The following MAP1B variants were observed in gnomAD, a reference collection of about 807,000 sequenced individuals.
MAP1B encodes microtubule-associated protein 1B.
In MAP1B, 12 loss-of-function variants were observed where a neutral mutation model predicts 176.1. The ratio of observed to expected loss-of-function variants is 0.07; its 90% CI spans 0.04 to 0.11. The LOEUF is 0.11. Among genes scored for constraint, MAP1B ranks in the 10% least tolerant of loss-of-function variants. The pLI is 1.00. For missense variants in MAP1B, 2,523 were observed against 2,990.5 expected, an observed-to-expected ratio of 0.84 and a Z score of 3.65; for synonymous variants, 1,044 against 1,135.0, an observed-to-expected ratio of 0.92 and a Z score of 1.61.
intron 2 of MAP1B, among the ~76,000 whole-genome samples, chr5:72,143,764 T>C (rs1402658352): frequency 6.6e-6 from 1 of 152,122 alleles, no homozygotes; most frequent in East Asian, 1.9e-4. Context: ...TTCCATACCT[T>C]TCTCCTCATT....
chr5:72,111,129 G>T (rs188058567), intron 1 of MAP1B, among the ~76,000 whole-genome samples: 9 of 152,206 alleles, frequency 5.9e-5, no homozygotes, highest in Non-Finnish European at 1.0e-4. Flanking sequence ...TTAGCCCCCA[G>T]CATGGATTTA....
At position 72,209,552 on chromosome 5, in the gene MAP1B, C is replaced by A. The variant is rs1302349790; in HGVS notation, c.*4313C>A. On this transcript the variant is annotated 3_prime_UTR_variant, in exon 7 of 7. Transcript: ENST00000296755. ...AAAAACTCAGTTCCACAATAAAATA[C>A]AAAAGTGGCAAAAGTTCATGTGTGT... The A allele has an allele frequency of 2.0e-5, 3 of 151,332 alleles. No homozygotes were observed. The highest frequency in any genetic ancestry group is 4.4e-5 in the Non-Finnish European group (3 of 67,832). The allele number at this position is 151,332 out of a possible 1,614,324, so 9.4% of individuals were successfully genotyped here.
rs770535030 is a variant in MAP1B at position 72,198,719 on chromosome 5, C to T, written c.5364C>T (p.Thr1788=). The change falls in exon 5 of 7, where the codon ACC becomes ACT. Residue 1788 remains threonine (T), a synonymous_variant. Coordinates refer to ENST00000296755, the MANE Select transcript of MAP1B (RefSeq NM_005909.5). The part of the protein sequence containing the change: ...LSPKSDISPL[T]PRESSPLYSP... Reference sequence around the variant, plus strand: ...CAAAATCTGATATCTCTCCACTCACCCCACGAGAGTCCTCTCCTTTATATT... The same window carrying T: ...CAAAATCTGATATCTCTCCACTCACTCCACGAGAGTCCTCTCCTTTATATT... 3 of 1,614,144 alleles carry T rather than the reference C, an allele frequency of 1.9e-6. No homozygotes were observed. Among genetic ancestry groups the T allele is most frequent in the Non-Finnish European group, 2.5e-6 (3 of 1,180,016 alleles).
chr5:72,107,680 A>G lies in MAP1B; in HGVS notation c.149A>G (p.Glu50Gly), dbSNP rs753028026. ...LVVVGEIVTE[E>G]HLRRAIGNIE... ...GTCGTCGGCGAGATCGTGACCGAGG[A>G]GCACCTGCGGCGTGCCATCGGCAAC... Residue 50 changes from glutamate to glycine, a missense_variant, in exon 1 of 7, where the codon GAG becomes GGG. Coordinates refer to ENST00000296755, the MANE Select transcript of MAP1B (RefSeq NM_005909.5). The G allele has an allele frequency of 5.6e-6, 9 of 1,599,828 alleles. No individual in the cohort carries two copies. In the South Asian group the frequency reaches 7.7e-5, roughly 14 times the overall value.
In MAP1B at chr5:72,196,241, A is replaced by G. The variant is rs1747163820; in HGVS notation, c.2886A>G (p.Val962=). The change falls in exon 5 of 7, where the codon GTA becomes GTG. Residue 962 remains valine (V), a synonymous_variant. Coordinates refer to ENST00000296755, the MANE Select transcript of MAP1B (RefSeq NM_005909.5). The surrounding 1 kb of genome is among the most constrained non-coding windows in gnomAD (Gnocchi z 5.3). The part of the protein sequence containing the change: ...EEPEEDGEEH[V]CVSASKHSPT... ...CAGAAGAGGATGGGGAGGAACACGT[A>G]TGTGTGAGCGCCTCCAAGCACAGCC... The G allele has an allele frequency of 6.2e-7, 1 of 1,613,828 alleles. No homozygotes were observed.
At chr5:72,122,334 A>T (rs1745545991) in intron 2 of MAP1B, among the ~76,000 whole-genome samples, 1 of 152,074 alleles carries the variant, frequency 6.6e-6, no homozygotes, top group African/African-American at 2.4e-5. Flanking sequence ...CAGACAGCCC[A>T]GTCACCCCCA....
rs1336657578 is a variant in MAP1B, at chr5:72,186,250, T to A, written c.370-364T>A. On this transcript the variant is annotated intron_variant, in intron 3 of 6. Transcript: ENST00000296755. The surrounding 1 kb of genome is among the most constrained non-coding windows in gnomAD (Gnocchi z 4.3). The stretch of plus-strand genomic sequence containing the variant: ...CCTGGTTTCGCAGACCACGTGCTGC[T>A]AGCAGACATTTCTAACAGCTGTGGA... 6.6e-6 allele frequency among the ~76,000 whole-genome samples: 1 copy of A among 152,198 alleles called. No individual in the cohort carries two copies. Among genetic ancestry groups the A allele is most frequent in the Non-Finnish European group, 1.5e-5 (1 of 68,030 alleles).
chr5:72,205,100 C>G lies in MAP1B; in HGVS notation c.7268C>G (p.Thr2423Ser). ...TCCCTGCAGGTGACACTGATCCCAA[C>G]TCATGACTCAGAAGTGATGAGGGAA... ...GSNMQVTLIP[T>S]HDSEVMREWY... The change falls in exon 7 of 7, where the codon ACT (threonine) becomes AGT (serine). Residue 2423 changes from threonine (T) to serine (S), a missense_variant. Around this residue, in one of 4 missense-constraint regions of MAP1B, gnomAD observed 287 missense variants for 401.5 expected, o/e 0.71. Transcript: ENST00000296755. The G allele has an allele frequency of 1.2e-6, 2 of 1,612,638 alleles. No individual in the cohort carries two copies. Among genetic ancestry groups the G allele is most frequent in the East Asian group, 2.2e-5 (1 of 44,854 alleles).
rs777754669 is a variant in MAP1B, at chr5:72,197,025, C to A, written c.3670C>A (p.Arg1224Ser). The A allele has an allele frequency of 6.2e-7, 1 of 1,614,052 alleles. No individual in the cohort carries two copies. Among genetic ancestry groups the A allele is most frequent in the South Asian group, 1.1e-5 (1 of 91,084 alleles). Residue 1224 changes from arginine to serine, a missense_variant, in exon 5 of 7, where the codon CGT becomes AGT. Physicochemically the swap from Arg to Ser is moderately radical, Grantham distance 110. This residue lies in a region of MAP1B where 1,925 missense variants were observed against 2,126.0 expected (regional missense o/e 0.91). Coordinates refer to ENST00000296755, the MANE Select transcript of MAP1B (RefSeq NM_005909.5). ...AGACAAATTCAGCAGATCTGCTTTA[C>A]GTGATGCTTACTGCTCTGAAGTGAA... ...EEDKFSRSAL[R>S]DAYCSEVKAS...
intron 2 of MAP1B, among the ~76,000 whole-genome samples, chr5:72,120,425 CT>C (rs775411933): frequency 0.076 from 10,151 of 134,302 alleles, 657 homozygotes; most frequent in East Asian, 0.21. Flanking sequence ...TAGTTTCTTT[CT>C]TTTTTTTTTT....
Position 72,206,750 on chromosome 5 carries a change from T to C in MAP1B, c.*1511T>C, listed in dbSNP as rs1301366988. On this transcript the variant is annotated 3_prime_UTR_variant, in exon 7 of 7. Transcript: ENST00000296755. ...AAAAATTGAATAATGTTTTTTGAAG[T>C]TCTGGCAAGATTGAAGTCTGATATT... 1 of 152,184 alleles carries C rather than the reference T, an allele frequency of 6.6e-6. No homozygotes were observed. The highest frequency in any genetic ancestry group is 2.4e-5 in the African/African-American group (1 of 41,442). The allele number at this position is 152,184 out of a possible 1,614,324, so 9.4% of individuals were successfully genotyped here. A position where few individuals can be genotyped will look rare whatever the true frequency, so the allele number is the denominator to read the frequency against.
chr5:72,178,480 T>C (rs1746695703), intron 2 of MAP1B, among the ~76,000 whole-genome samples: 1 of 152,156 alleles, frequency 6.6e-6, no homozygotes, highest in South Asian at 2.1e-4. Context: ...GGGCTGGAAG[T>C]AGTTGGTAGG....
intron 2 of MAP1B, among the ~76,000 whole-genome samples, chr5:72,118,285 A>G (rs1490975239): frequency 6.6e-6 from 1 of 151,918 alleles, no homozygotes; most frequent in Non-Finnish European, 1.5e-5. Flanking sequence ...AGCTGGGATT[A>G]CAGGTACATG....
chr5:72,115,762 A>G lies in MAP1B; in HGVS notation c.249A>G (p.Val83=), dbSNP rs565321888. 3.5e-5 allele frequency: 56 copies of G among 1,613,882 alleles called. No individual in the cohort carries two copies. In the East Asian group the frequency reaches 5.1e-4, roughly 15 times the overall value. Residue 83 remains valine (V), a synonymous_variant, in exon 2 of 7, where the codon GTA becomes GTG. Transcript: ENST00000296755. ...CNLDQELKLF[V]SRHSARFSPE... ...TGGACCAAGAACTCAAACTTTTTGT[A>G]TCTCGACACTCTGCAAGATTCTCTC...
chr5:72,187,527 T>G (rs1228466449), intron 4 of MAP1B, among the ~76,000 whole-genome samples: 2 of 152,170 alleles, frequency 1.3e-5, no homozygotes, highest in Non-Finnish European at 2.9e-5. Context: ...CCCATCCCCA[T>G]AGCAGGTTGG....
chr5:72,115,578 T>C, intron 1 of MAP1B, 120 bp from the exon 2 acceptor site: 1 of 680,804 alleles, frequency 1.5e-6, no homozygotes, highest in Non-Finnish European at 2.7e-6. Flanking sequence ...CACCAAGCTC[T>C]TCAGAAAAGG....
At position 72,134,559 on chromosome 5, in the gene MAP1B, G is replaced by A. The variant is rs543118127; in HGVS notation, c.286+18760G>A. Among the ~76,000 whole-genome samples, 18 of 152,090 alleles carry A rather than the reference G, an allele frequency of 1.2e-4. No individual in the cohort carries two copies. In the South Asian group the frequency reaches 2.3e-3, roughly 19 times the overall value. On this transcript the variant is annotated intron_variant, in intron 2 of 6. Coordinates refer to ENST00000296755, the MANE Select transcript of MAP1B (RefSeq NM_005909.5). ...CTTCATTTTGTTAACGGAAGCTGTT[G>A]TCTTACCACATAGGAGAATTTTTTT... is the stretch of plus-strand genomic sequence containing the variant.
chr5:72,178,128 A>G (rs916647228), intron 2 of MAP1B, among the ~76,000 whole-genome samples: 2 of 152,012 alleles, frequency 1.3e-5, no homozygotes, highest in South Asian at 4.2e-4. Context: ...TCAGCCTCCC[A>G]AGTAGCTGGG....
intron 5 of MAP1B, 36 bp downstream of exon 5, chr5:72,200,403 CA>C: frequency 6.3e-7 from 1 of 1,593,096 alleles, no homozygotes; most frequent in Non-Finnish European, 8.5e-7. Flanking sequence ...ATATATGTCA[CA>C]ACCATTCTAC....
Sources: gnomAD v4.1 joint callset for allele counts (sites outside exome capture counted in the v4.1 genomes callset) on GRCh38, gnomAD v4.1.1 for gene constraint, gnomAD v4.1.1 regional missense constraint, Gnocchi (gnomAD v3.1) non-coding constraint, MANE v1.5 for transcripts, NCBI Gene and HGNC (gene_info 2026-07-23, HGNC 2026-07-21) for gene names.